The following GPC5 variants were observed in gnomAD, a reference collection of about 807,000 sequenced individuals.
GPC5 encodes the protein glypican 5.
A neutral mutation model predicts 53.9 loss-of-function variants in GPC5; 47 were observed. The ratio of observed to expected loss-of-function variants is 0.87; its 90% confidence interval spans 0.69 to 1.11. The LOEUF is 1.11. Ranked by LOEUF, GPC5 falls within the 50% of genes most tolerant of loss-of-function variation. GPC5 has a pLI of 0.00. For missense variants in GPC5, 748 were observed against 713.1 expected (o/e 1.05, Z -0.56); for synonymous variants, 286 against 263.3 (o/e 1.09, Z -0.84).
rs529941640 is a variant in GPC5, at chr13:91,756,333, A to G, written c.1193A>G (p.Tyr398Cys). Residue 398 changes from tyrosine to cysteine, a missense_variant, in exon 5 of 8, where the codon TAT becomes TGT. Physicochemically the swap from Tyr to Cys is radical, Grantham distance 194. Transcript: ENST00000377067. ...INSLRLYRSF[Y>C]GGLADQLCAN... ...AGCCTTCGACTGTACAGGTCATTCT[A>G]TGGAGGTCTAGCTGATCAGCTTTGT... The G allele has an allele frequency of 8.2e-6, 13 of 1,587,506 alleles. No homozygotes were observed. Among genetic ancestry groups the G allele is most frequent in the South Asian group, 7.9e-5 (7 of 88,228 alleles).
At chr13:91,948,036 G>A (rs537913671) in intron 6 of GPC5, among the ~76,000 whole-genome samples, 24 of 152,068 alleles carry the variant, frequency 1.6e-4, no homozygotes, top group African/African-American at 5.8e-4. Context: ...TGACCATCCT[G>A]GCTAACACGG....
At chr13:92,468,424 A>G (rs1481051404) in intron 7 of GPC5, among the ~76,000 whole-genome samples, 1 of 152,128 alleles carries the variant, frequency 6.6e-6, no homozygotes, top group African/African-American at 2.4e-5. Context: ...GAGAAACAGT[A>G]ACTTGTCTTT....
intron 6 of GPC5, among the ~76,000 whole-genome samples, chr13:92,045,789 G>A (rs527772565): frequency 6.6e-5 from 10 of 152,282 alleles, no homozygotes; most frequent in African/African-American, 1.7e-4. Context: ...AAGGCTTCAC[G>A]GAGGTAGATC....
chr13:92,823,024 A>AT (rs1442743633), intron 7 of GPC5, among the ~76,000 whole-genome samples: 4 of 152,036 alleles, frequency 2.6e-5, no homozygotes, highest in Admixed American at 6.6e-5. Context: ...GTCTCTTGGC[A>AT]TTTTTTTCCA....
At chr13:92,864,267 AT>A (rs1453254529) in intron 7 of GPC5, among the ~76,000 whole-genome samples, 49 of 152,264 alleles carry the variant, frequency 3.2e-4, no homozygotes, top group Non-Finnish European at 2.9e-4. Context: ...TGTTACATTT[AT>A]TTATTAGTAA....
intron 6 of GPC5, among the ~76,000 whole-genome samples, chr13:92,044,274 C>CT (rs1225133246): frequency 6.6e-6 from 1 of 152,118 alleles, no homozygotes; most frequent in East Asian, 1.9e-4. Flanking sequence ...AAGAATACAT[C>CT]TTTTTTTAAG....
chr13:92,797,999 T>C (rs765921373), intron 7 of GPC5, among the ~76,000 whole-genome samples: 43 of 151,810 alleles, frequency 2.8e-4, no homozygotes, highest in Non-Finnish European at 5.5e-4. Context: ...CACTCTTCAC[T>C]TTTCCCCCCA....
intron 5 of GPC5, among the ~76,000 whole-genome samples, chr13:91,779,050 G>A (rs1471094845): frequency 6.6e-6 from 1 of 152,194 alleles, no homozygotes; most frequent in Admixed American, 6.5e-5. Context: ...TTCCTGTATA[G>A]CATGGAGCTT....
intron 7 of GPC5, among the ~76,000 whole-genome samples, chr13:92,742,611 C>T (rs1165274172): frequency 5.5e-4 from 84 of 151,730 alleles, no homozygotes; most frequent in Non-Finnish European, 4.9e-4. Flanking sequence ...CAATTTTGGC[C>T]TTTGTTGCCA....
intron 7 of GPC5, among the ~76,000 whole-genome samples, chr13:92,400,957 C>T (rs1875529957): frequency 6.6e-6 from 1 of 151,864 alleles, no homozygotes; most frequent in Admixed American, 6.6e-5. Context: ...AGGGACAAAT[C>T]CTAGGTATGT....
chr13:91,543,968 T>TTGAAA, intron 2 of GPC5, among the ~76,000 whole-genome samples: 1 of 152,200 alleles, frequency 6.6e-6, no homozygotes, highest in Non-Finnish European at 1.5e-5. Flanking sequence ...TTTTTATTGT[T>TTGAAA]CATCACTTAA....
intron 7 of GPC5, among the ~76,000 whole-genome samples, chr13:92,766,770 C>A (rs1469391335): frequency 2.0e-5 from 3 of 152,166 alleles, no homozygotes; most frequent in African/African-American, 7.2e-5. Flanking sequence ...AATTCATTTG[C>A]TTTTAAGGGA....
intron 5 of GPC5, among the ~76,000 whole-genome samples, chr13:91,886,015 T>C (rs1329059903): frequency 6.6e-6 from 1 of 152,080 alleles, no homozygotes; most frequent in Non-Finnish European, 1.5e-5. Context: ...TAGAAGGTAG[T>C]GATATTTACC....
At chr13:92,044,334 C>T (rs911739477) in intron 6 of GPC5, among the ~76,000 whole-genome samples, 1 of 152,126 alleles carries the variant, frequency 6.6e-6, no homozygotes, top group Non-Finnish European at 1.5e-5. Context: ...AAATAAGGCC[C>T]TAAGCTGAGC....
At chr13:91,541,023 C>A (rs1194835650) in intron 2 of GPC5, among the ~76,000 whole-genome samples, 3 of 151,896 alleles carry the variant, frequency 2.0e-5, no homozygotes. Flanking sequence ...ATGGTGAATT[C>A]CATTTTATAT....
chr13:92,581,037 C>T (rs935249969), intron 7 of GPC5, among the ~76,000 whole-genome samples: 1 of 152,050 alleles, frequency 6.6e-6, no homozygotes, highest in South Asian at 2.1e-4. Flanking sequence ...AACCATATAA[C>T]ATATATCTTA....
intron 7 of GPC5, among the ~76,000 whole-genome samples, chr13:92,547,392 C>G (rs1443604331): frequency 2.0e-5 from 3 of 152,080 alleles, no homozygotes; most frequent in Non-Finnish European, 4.4e-5. Context: ...TTCACAAAGT[C>G]CTAAAGTTGA....
At chr13:92,040,851 T>C (rs2040936262) in intron 6 of GPC5, among the ~76,000 whole-genome samples, 1 of 152,164 alleles carries the variant, frequency 6.6e-6, no homozygotes, top group Admixed American at 6.5e-5. Context: ...AATTTAACTC[T>C]TATTTATTTA....
At chr13:92,646,346 G>A (rs1343106934) in intron 7 of GPC5, among the ~76,000 whole-genome samples, 2 of 152,054 alleles carry the variant, frequency 1.3e-5, no homozygotes, top group African/African-American at 4.8e-5. Context: ...GTGGATCTAT[G>A]TTTAGACTCT....
Sources: allele counts gnomAD v4.1 joint callset (sites outside exome capture counted in the v4.1 genomes callset), GRCh38; gene constraint gnomAD v4.1.1; transcripts MANE v1.5; gene names NCBI Gene and HGNC (gene_info 2026-07-23, HGNC 2026-07-21).